CAMKMT: variants seen among roughly 807,000 people sequenced by gnomAD.
CAMKMT encodes calmodulin-lysine N-methyltransferase.
A neutral mutation model predicts 48.0 loss-of-function variants in CAMKMT; 53 were observed. The ratio of observed to expected loss-of-function variants is 1.10; its 90% CI spans 0.89 to 1.39. CAMKMT has a LOEUF of 1.39. Ranked by LOEUF, CAMKMT falls within the 40% of genes most tolerant of loss-of-function variation. CAMKMT has a pLI of 0.00. For synonymous variants in CAMKMT, 165 were observed against 152.3 expected (o/e 1.08, Z -0.61); for missense variants, 428 against 402.7 (o/e 1.06, Z -0.54).
At chr2:44,510,558 T>C (rs1460521359) in intron 3 of CAMKMT, among the ~76,000 whole-genome samples, 3 of 152,210 alleles carry the variant, frequency 2.0e-5, no homozygotes, top group Admixed American at 6.5e-5. Flanking sequence ...AAATATCTTG[T>C]TGAGACATAC....
At chr2:44,766,382 G>T in intron 9 of CAMKMT, 48 bp from the exon 10 acceptor site, 1 of 1,609,574 alleles carries the variant, frequency 6.2e-7, no homozygotes, top group Non-Finnish European at 8.5e-7. Flanking sequence ...GTTATGTTTG[G>T]TTACCTTCCA....
chr2:44,520,349 C>T (rs551670384), intron 3 of CAMKMT, among the ~76,000 whole-genome samples: 104 of 152,246 alleles, frequency 6.8e-4, no homozygotes, highest in African/African-American at 2.4e-3. Flanking sequence ...TCTATCTCAG[C>T]CTCCCGATCC....
chr2:44,378,468 T>A (rs992735536), intron 2 of CAMKMT, among the ~76,000 whole-genome samples: 5 of 104,754 alleles, frequency 4.8e-5, no homozygotes, highest in African/African-American at 2.1e-4. Flanking sequence ...GCATCTAGAA[T>A]TAAGTTTGTT....
intron 3 of CAMKMT, among the ~76,000 whole-genome samples, chr2:44,410,003 A>G (rs1475844622): frequency 6.6e-6 from 1 of 152,008 alleles, no homozygotes; most frequent in East Asian, 1.9e-4. Context: ...AAAAGTAGGA[A>G]ATAACTGCTG....
At chr2:44,426,315 T>A (rs1178390437) in intron 3 of CAMKMT, among the ~76,000 whole-genome samples, 1 of 152,146 alleles carries the variant, frequency 6.6e-6, no homozygotes, top group African/African-American at 2.4e-5. Context: ...CCTATTCAAT[T>A]TAGTACTGGA....
chr2:44,446,389 C>G (rs1202642311), intron 3 of CAMKMT, among the ~76,000 whole-genome samples: 1 of 152,094 alleles, frequency 6.6e-6, no homozygotes, highest in South Asian at 2.1e-4. Context: ...CTGTGTCACC[C>G]AGGCTGGAGT....
intron 3 of CAMKMT, among the ~76,000 whole-genome samples, chr2:44,565,530 A>C (rs1250168764): frequency 6.6e-6 from 1 of 152,182 alleles, no homozygotes; most frequent in African/African-American, 2.4e-5. Context: ...TACAAAAAGC[A>C]AGAAAAAACT....
chr2:44,476,920 C>T (rs113927556), intron 3 of CAMKMT, among the ~76,000 whole-genome samples: 1 of 152,040 alleles, frequency 6.6e-6, no homozygotes, highest in Non-Finnish European at 1.5e-5. Flanking sequence ...GGTGCTATAT[C>T]CCAGCTATTA....
intron 3 of CAMKMT, among the ~76,000 whole-genome samples, chr2:44,450,426 T>C (rs1476353176): frequency 1.3e-5 from 2 of 152,180 alleles, no homozygotes; most frequent in East Asian, 3.8e-4. Context: ...TCATTGAGTT[T>C]TGAAGATCTT....
At chr2:44,470,072 T>TC (rs940988695) in intron 3 of CAMKMT, among the ~76,000 whole-genome samples, 2 of 152,248 alleles carry the variant, frequency 1.3e-5, no homozygotes, top group African/African-American at 4.8e-5. Flanking sequence ...TCTTTTTTTT[T>TC]CTCTCTAATA....
rs191989662 is a variant in CAMKMT, at chr2:44,377,613, G to C, written c.311+4725G>C. ...GTGCCTGAGTTATTCATTTATAAGTGTATACGTGTCTTAGGTATAGAGAAA... is the reference window on the plus strand; with the variant it reads ...GTGCCTGAGTTATTCATTTATAAGTCTATACGTGTCTTAGGTATAGAGAAA... On this transcript the variant is annotated intron_variant, in intron 2 of 10. Transcript: ENST00000378494. 6.8e-4 allele frequency among the ~76,000 whole-genome samples: 104 copies of C among 152,194 alleles called. 1 individual carries two copies. Among genetic ancestry groups the C allele is most frequent in the Admixed American group, 4.6e-3 (70 of 15,296 alleles).
intron 7 of CAMKMT, among the ~76,000 whole-genome samples, chr2:44,740,890 G>A (rs1311404687): frequency 6.6e-6 from 1 of 152,190 alleles, no homozygotes; most frequent in African/African-American, 2.4e-5. Flanking sequence ...CAGTGGGACT[G>A]AAGAGTACCT....
chr2:44,460,970 C>T (rs927787195), intron 3 of CAMKMT, among the ~76,000 whole-genome samples: 5 of 151,992 alleles, frequency 3.3e-5, no homozygotes, highest in African/African-American at 9.7e-5. Flanking sequence ...GTGATCCACC[C>T]GCCTCAGCCT....
chr2:44,741,812 T>C (rs946041433), intron 7 of CAMKMT, among the ~76,000 whole-genome samples: 7 of 152,200 alleles, frequency 4.6e-5, no homozygotes, highest in African/African-American at 1.7e-4. Context: ...TTTGTCTTTG[T>C]TGAACCAAGG....
At chr2:44,573,767 T>G (rs1184350376) in intron 3 of CAMKMT, among the ~76,000 whole-genome samples, 1 of 152,212 alleles carries the variant, frequency 6.6e-6, no homozygotes, top group African/African-American at 2.4e-5. Context: ...ATTCCAAATT[T>G]ATTTTTTCTA....
chr2:44,727,625 C>G (rs1422348049), intron 7 of CAMKMT, among the ~76,000 whole-genome samples: 1 of 152,114 alleles, frequency 6.6e-6, no homozygotes, highest in Non-Finnish European at 1.5e-5. Context: ...ATTGTTCTGC[C>G]TAGAACTTCT....
intron 3 of CAMKMT, among the ~76,000 whole-genome samples, chr2:44,584,588 C>T (rs1669746697): frequency 6.6e-6 from 1 of 152,098 alleles, no homozygotes; most frequent in Non-Finnish European, 1.5e-5. Context: ...TTACAGAATG[C>T]AACAATTATT....
chr2:44,547,538 C>T (rs1013452976), intron 3 of CAMKMT, among the ~76,000 whole-genome samples: 6 of 151,960 alleles, frequency 3.9e-5, no homozygotes, highest in African/African-American at 1.2e-4. Flanking sequence ...CTCTAAAAAA[C>T]AAGAAAGATA....
chr2:44,552,575 C>G (rs1029551886), intron 3 of CAMKMT, among the ~76,000 whole-genome samples: 1 of 152,158 alleles, frequency 6.6e-6, no homozygotes, highest in Non-Finnish European at 1.5e-5. Context: ...AACCACTCAC[C>G]TCCATATTTT....
Sources: gnomAD v4.1 joint callset for allele counts (sites outside exome capture counted in the v4.1 genomes callset) on GRCh38, gnomAD v4.1.1 for gene constraint, MANE v1.5 for transcripts, NCBI Gene and HGNC (gene_info 2026-07-23, HGNC 2026-07-21) for gene names.